The following PDE1A variants were observed in gnomAD, a reference collection of about 807,000 sequenced individuals.
The protein encoded by PDE1A is phosphodiesterase 1A.
In PDE1A, 35 loss-of-function variants were observed where a neutral mutation model predicts 61.7. That is an observed-to-expected ratio of 0.57 (90% confidence interval 0.43 to 0.75). The LOEUF (loss-of-function observed/expected upper bound fraction) is 0.75. PDE1A is among the 30% of genes least tolerant of loss of function. PDE1A has a pLI of 0.00. For missense variants in PDE1A, 597 were observed against 630.6 expected (o/e 0.95, Z 0.57); for synonymous variants, 232 against 213.2 (o/e 1.09, Z -0.77).
At chr2:182,392,899 A>T (rs1200746168) in intron 1 of PDE1A, among the ~76,000 whole-genome samples, 3 of 152,260 alleles carry the variant, frequency 2.0e-5, no homozygotes, top group Non-Finnish European at 4.4e-5. Flanking sequence ...TGCAGGGTAC[A>T]GCCTCCCTCC....
chr2:182,249,759 A>T (rs1405849606), intron 2 of PDE1A, among the ~76,000 whole-genome samples: 2 of 148,374 alleles, frequency 1.3e-5, no homozygotes, highest in African/African-American at 4.9e-5. Flanking sequence ...ACAGAAAACA[A>T]ACCAAAACTC....
At chr2:182,359,793 AC>A (rs1340715329) in intron 1 of PDE1A, among the ~76,000 whole-genome samples, 1 of 152,072 alleles carries the variant, frequency 6.6e-6, no homozygotes, top group Non-Finnish European at 1.5e-5. Context: ...GCATTCATAA[AC>A]CTTCCTGTCT....
At chr2:182,314,990 G>A (rs1315820973) in intron 1 of PDE1A, among the ~76,000 whole-genome samples, 3 of 152,128 alleles carry the variant, frequency 2.0e-5, no homozygotes, top group Non-Finnish European at 4.4e-5. Flanking sequence ...AAAGGTGAGG[G>A]TTTAGGGGTC....
intron 2 of PDE1A, among the ~76,000 whole-genome samples, chr2:182,469,825 C>G (rs1686913765): frequency 6.6e-6 from 1 of 151,774 alleles, no homozygotes; most frequent in South Asian, 2.1e-4. Context: ...ACTAATTGGT[C>G]TAATTTCAAT....
chr2:182,539,064 T>C, the PDE1A span, among the ~76,000 whole-genome samples: 2 of 152,314 alleles, frequency 1.3e-5, no homozygotes, highest in East Asian at 3.9e-4. Flanking sequence ...CCTTTCTGTA[T>C]GACTTTTTCC....
At chr2:182,310,140 A>T (rs1239124896) in intron 1 of PDE1A, among the ~76,000 whole-genome samples, 2 of 152,200 alleles carry the variant, frequency 1.3e-5, no homozygotes, top group African/African-American at 4.8e-5. Context: ...TCTTTGAAAT[A>T]AGAGTCTATC....
chr2:182,479,008 C>T (rs908149702), intron 2 of PDE1A, among the ~76,000 whole-genome samples: 7 of 151,742 alleles, frequency 4.6e-5, no homozygotes, highest in African/African-American at 1.7e-4. Flanking sequence ...TACCATCTTG[C>T]TTCAAAACAC....
the PDE1A span, among the ~76,000 whole-genome samples, chr2:182,538,864 T>C: frequency 6.6e-6 from 1 of 152,198 alleles, no homozygotes; most frequent in East Asian, 1.9e-4. Context: ...GAATTAAGCC[T>C]ACAGTAGTAA....
At chr2:182,145,538 G>T (rs1245808382), downstream of PDE1A, among the ~76,000 whole-genome samples, 1 of 152,058 alleles carries the variant, frequency 6.6e-6, no homozygotes, top group Non-Finnish European at 1.5e-5. Context: ...GACCAGCCTG[G>T]GCAACACGCT....
intron 1 of PDE1A, among the ~76,000 whole-genome samples, chr2:182,295,057 CTTTTTTTTTTTTTTT>C (rs11420821): frequency 6.7e-5 from 4 of 59,372 alleles, no homozygotes; most frequent in Admixed American, 6.2e-4. Flanking sequence ...AAAAGGTAAT[CTTTTTTTTTTTTTTT>C]TTTTTTTTTT....
intron 1 of PDE1A, among the ~76,000 whole-genome samples, chr2:182,372,814 C>T (rs188222777): frequency 3.3e-5 from 5 of 152,222 alleles, no homozygotes; most frequent in East Asian, 1.9e-4. Context: ...GAAGTGTTCC[C>T]GTAGGAGAAA....
chr2:182,488,179 T>C (rs1307140444), intron 2 of PDE1A, among the ~76,000 whole-genome samples: 1 of 152,188 alleles, frequency 6.6e-6, no homozygotes, highest in African/African-American at 2.4e-5. Context: ...TATGTTTTAA[T>C]AAATCAGAAA....
chr2:182,485,746 A>G (rs145992411), intron 2 of PDE1A, among the ~76,000 whole-genome samples: 1,883 of 152,212 alleles, frequency 0.012, 25 homozygotes, highest in South Asian at 0.042. Flanking sequence ...AGAAAAGCAT[A>G]TCATTGTCCT....
chr2:182,213,205 TC>T (rs1337332646), intron 7 of PDE1A, among the ~76,000 whole-genome samples: 3 of 148,934 alleles, frequency 2.0e-5, no homozygotes, highest in Non-Finnish European at 4.5e-5. Context: ...CAGCTGAGGG[TC>T]CTGTCTGTTA....
At chr2:182,612,413 T>G in the PDE1A span, among the ~76,000 whole-genome samples, 2 of 152,234 alleles carry the variant, frequency 1.3e-5, no homozygotes, top group South Asian at 2.1e-4. Flanking sequence ...TGTTTATTCT[T>G]CCAGTATGTA....
At chr2:182,567,798 CTTTT>C in the PDE1A span, among the ~76,000 whole-genome samples, 133 of 126,660 alleles carry the variant, frequency 1.1e-3, no homozygotes, top group African/African-American at 3.8e-3. Flanking sequence ...TTTCTTTTTT[CTTTT>C]TTTTTTTTGA....
chr2:182,163,474 T>C (rs1211301103), downstream of PDE1A, among the ~76,000 whole-genome samples: 1 of 152,172 alleles, frequency 6.6e-6, no homozygotes, highest in African/African-American at 2.4e-5. Context: ...TTGGACCTAG[T>C]GAGCAAGAAG....
downstream of PDE1A, among the ~76,000 whole-genome samples, chr2:182,165,278 C>T (rs528372816): frequency 6.6e-6 from 1 of 152,192 alleles, no homozygotes; most frequent in East Asian, 1.9e-4. Flanking sequence ...TGGCCTAGTT[C>T]TGCAGTGAAC....
At chr2:182,426,907 T>A in exon 1 of PDE1A, 13 of 1,214,140 alleles carry the variant, frequency 1.1e-5, no homozygotes, top group Non-Finnish European at 1.2e-5. Context: ...GCAAGAGAAG[T>A]GCACGGGACC....
Sources: gnomAD v4.1 joint callset for allele counts (sites outside exome capture counted in the v4.1 genomes callset) on GRCh38, gnomAD v4.1.1 for gene constraint, MANE v1.5 for transcripts, NCBI Gene and HGNC (gene_info 2026-07-23, HGNC 2026-07-21) for gene names.